INO80D: variants seen among roughly 807,000 people sequenced by gnomAD.
The protein encoded by INO80D is INO80 complex subunit D.
INO80D carries 21 observed loss-of-function variants against 87.6 expected under a neutral mutation model. That is an observed-to-expected ratio of 0.24 (90% CI 0.17 to 0.35). INO80D has a LOEUF of 0.35. Ranked by LOEUF, INO80D falls within the 10% of genes least tolerant of loss-of-function variation. The pLI is 1.00. For synonymous variants in INO80D, 440 were observed against 491.0 expected (o/e 0.90, Z 1.37); for missense variants, 982 against 1,280.7 (o/e 0.77, Z 3.56).
At chr2:206,081,677 A>T (rs989499641) in intron 1 of INO80D, among the ~76,000 whole-genome samples, 5 of 151,424 alleles carry the variant, frequency 3.3e-5, no homozygotes, top group South Asian at 2.1e-4. Context: ...GGATCACTGG[A>T]GCCCAGGAGG....
intron 6 of INO80D, among the ~76,000 whole-genome samples, chr2:206,023,337 G>A (rs914291300): frequency 1.3e-5 from 2 of 151,758 alleles, no homozygotes; most frequent in Non-Finnish European, 2.9e-5. Context: ...ATCAAATAGA[G>A]GGCAGCATGC....
At chr2:206,044,288 G>C (rs558757945) in intron 5 of INO80D, among the ~76,000 whole-genome samples, 1 of 152,130 alleles carries the variant, frequency 6.6e-6, no homozygotes, top group East Asian at 1.9e-4. Flanking sequence ...GAATAGATGG[G>C]TGGGTAAACC....
At chr2:206,071,936 T>C (rs530592198) in intron 1 of INO80D, among the ~76,000 whole-genome samples, 1 of 152,060 alleles carries the variant, frequency 6.6e-6, no homozygotes, top group Non-Finnish European at 1.5e-5. Flanking sequence ...TTACTTCTCT[T>C]CACATGACCA....
intron 1 of INO80D, among the ~76,000 whole-genome samples, chr2:206,075,376 T>G (rs1046051115): frequency 6.6e-6 from 1 of 152,162 alleles, no homozygotes; most frequent in Non-Finnish European, 1.5e-5. Context: ...TTTCTCTAAT[T>G]GCCATCTGTA....
chr2:206,007,619 C>T (rs920674128), intron 9 of INO80D, among the ~76,000 whole-genome samples, 178 bp from the exon 10 acceptor site: 2 of 152,074 alleles, frequency 1.3e-5, no homozygotes, highest in African/African-American at 2.4e-5. Flanking sequence ...GGCACGAGTT[C>T]GAGATCAGCC....
Position 206,005,369 on chromosome 2 carries a change from T to C in INO80D, c.2083A>G (p.Thr695Ala), listed in dbSNP as rs761445619. Residue 695 changes from threonine (T) to alanine (A), a missense_variant, in exon 11 of 11, where the codon ACA becomes GCA. Physicochemically the swap from Thr to Ala is moderately conservative, Grantham distance 58. Transcript: ENST00000403263. ...TGTATTCCTGAAGCTCCAGTACCTG[T>C]GGAGAACACCCCTATTCCTCTATCT... ...LSDRGIGVFS[T>A]GTGASGIQSL... The C allele has an allele frequency of 6.6e-5, 106 of 1,613,896 alleles. 1 individual carries two copies. In the Admixed American group the frequency reaches 1.8e-3, roughly 27 times the overall value.
At position 205,997,530 on chromosome 2, in the gene INO80D, A is replaced by G. The variant is rs1279037330; in HGVS notation, c.*6838T>C. The stretch of plus-strand genomic sequence containing the variant: ...ACAATATTTTCTTACTCGAATATAA[A>G]GAAATCTATAATTAACATAAAAAAG... On this transcript the variant is annotated 3_prime_UTR_variant, in exon 11 of 11. Transcript: ENST00000403263. The G allele has an allele frequency of 6.6e-6, 1 of 152,160 alleles. No individual in the cohort carries two copies. The highest frequency in any genetic ancestry group is 2.1e-4 in the South Asian group (1 of 4,828). 9.4% of individuals were successfully genotyped at this position (152,160 alleles called of 1,614,324 possible).
rs1433390225 is a variant in INO80D at position 206,062,315 on chromosome 2, CT to C, written c.218+483del. On this transcript the variant is annotated intron_variant, in intron 3 of 10. Transcript: ENST00000403263. This position sits in a 1 kb window ranked among gnomAD's most constrained non-coding sequence, Gnocchi z 4.6. ...AAATTTTCTTCAGTAAGTATATATC[CT>C]TTACTAACTTCTAGGCATAGATTTT... Among the ~76,000 whole-genome samples the C allele has an allele frequency of 1.3e-5, 2 of 152,060 alleles. No homozygotes were observed. The highest frequency in any genetic ancestry group is 2.9e-5 in the Non-Finnish European group (2 of 68,012).
At chr2:206,082,311 C>T (rs1575902422) in intron 1 of INO80D, among the ~76,000 whole-genome samples, 1 of 152,244 alleles carries the variant, frequency 6.6e-6, no homozygotes, top group Admixed American at 6.5e-5. Flanking sequence ...TGAGCCACCA[C>T]GCCCGGCCTA....
intron 4 of INO80D, among the ~76,000 whole-genome samples, chr2:206,054,565 G>A (rs532543660): frequency 2.6e-5 from 4 of 152,172 alleles, no homozygotes; most frequent in Middle Eastern, 3.4e-3. Flanking sequence ...CCAGGCTGGA[G>A]TGCAGTGGCA....
intron 5 of INO80D, among the ~76,000 whole-genome samples, chr2:206,028,556 C>T (rs1185873289): frequency 6.6e-6 from 1 of 152,172 alleles, no homozygotes; most frequent in Non-Finnish European, 1.5e-5. Flanking sequence ...TTTTCAAAAA[C>T]AGCCTTCTTA....
At chr2:206,072,568 G>A (rs1690003556) in intron 1 of INO80D, among the ~76,000 whole-genome samples, 1 of 151,968 alleles carries the variant, frequency 6.6e-6, no homozygotes, top group South Asian at 2.1e-4. Flanking sequence ...ATGAGCCACC[G>A]CGCCTGCCGT....
intron 8 of INO80D, among the ~76,000 whole-genome samples, chr2:206,015,279 G>A (rs1015579176): frequency 6.6e-6 from 1 of 152,176 alleles, no homozygotes; most frequent in Non-Finnish European, 1.5e-5. Context: ...AAGACAATGG[G>A]GAAAATGTCT....
chr2:206,060,230 A>C (rs1254590274), intron 3 of INO80D, among the ~76,000 whole-genome samples: 1 of 151,548 alleles, frequency 6.6e-6, no homozygotes, highest in Admixed American at 6.6e-5. Flanking sequence ...AAGAAAGACA[A>C]ATTTATAACT....
chr2:206,037,474 T>C (rs1213567172), intron 5 of INO80D, among the ~76,000 whole-genome samples: 1 of 152,206 alleles, frequency 6.6e-6, no homozygotes. Context: ...TTTAAGGTAT[T>C]GACCAAATAC....
At chr2:206,023,981 C>T (rs1206771475) in intron 6 of INO80D, among the ~76,000 whole-genome samples, 1 of 152,146 alleles carries the variant, frequency 6.6e-6, no homozygotes, top group Non-Finnish European at 1.5e-5. Flanking sequence ...TTTTCCCAAA[C>T]TCATTGTATA....
rs1689189504 is a variant in INO80D at position 206,046,242 on chromosome 2, A to G, written c.1073+262T>C. On this transcript the variant is annotated intron_variant, in intron 5 of 10. Coordinates refer to ENST00000403263, the MANE Select transcript of INO80D (RefSeq NM_017759.5). Reference sequence around the variant, plus strand: ...ATCAATCTGCTACAGTGGTCATTCAAGAAGGAAACTAGGGCCGGGCGTGGT... The same window carrying G: ...ATCAATCTGCTACAGTGGTCATTCAGGAAGGAAACTAGGGCCGGGCGTGGT... Among the ~76,000 whole-genome samples the G allele has an allele frequency of 2.6e-5, 4 of 152,306 alleles. No homozygotes were observed. The South Asian group carries it at 8.3e-4, about 32-fold the overall frequency.
At chr2:206,040,424 C>A (rs899475714) in intron 5 of INO80D, 12 of 195,312 alleles carry the variant, frequency 6.1e-5, no homozygotes, top group South Asian at 3.4e-4. Context: ...TCGGTGGTTG[C>A]TGTCAAAATG....
chr2:206,004,555 G>A lies in INO80D; in HGVS notation c.2897C>T (p.Thr966Ile). ...MGPSAELMAS[T>I]SPKQQLPQFS... ...CTGAGGGAGTTGCTGCTTGGGAGAGGTGGAGGCCATTAGTTCAGCAGAAGG... is the reference window on the plus strand; with the variant it reads ...CTGAGGGAGTTGCTGCTTGGGAGAGATGGAGGCCATTAGTTCAGCAGAAGG... The change falls in exon 11 of 11, where the codon ACC becomes ATC. Residue 966 changes from threonine to isoleucine, a missense_variant. Transcript: ENST00000403263. The surrounding 1 kb of genome is among the most constrained non-coding windows in gnomAD (Gnocchi z 4.9). 1 of 1,611,058 alleles carries A rather than the reference G, an allele frequency of 6.2e-7. No individual in the cohort carries two copies. The highest frequency in any genetic ancestry group is 8.5e-7 in the Non-Finnish European group (1 of 1,178,684).
Sources: allele counts gnomAD v4.1 joint callset (sites outside exome capture counted in the v4.1 genomes callset), GRCh38; gene constraint gnomAD v4.1.1; non-coding constraint Gnocchi (gnomAD v3.1); transcripts MANE v1.5; gene names NCBI Gene and HGNC (gene_info 2026-07-23, HGNC 2026-07-21).